Variants in CLTA observed in about 807,000 individuals in gnomAD.
CLTA encodes the protein clathrin, light polypeptide (Lca).
Under a neutral mutation model 26.9 loss-of-function variants are expected in CLTA, and 9 were observed. The ratio of observed to expected loss-of-function variants is 0.33; its 90% confidence interval spans 0.20 to 0.58. The LOEUF is 0.58. Ranked by LOEUF, CLTA falls within the 20% of genes least tolerant of loss-of-function variation. CLTA has a pLI of 0.85. For synonymous variants in CLTA, 120 were observed against 115.5 expected (o/e 1.04, Z -0.25); for missense variants, 278 against 294.2 (o/e 0.94, Z 0.40).
chr9:36,205,229 C>T (rs965870856), intron 4 of CLTA, among the ~76,000 whole-genome samples: 4 of 152,134 alleles, frequency 2.6e-5, no homozygotes, highest in African/African-American at 7.2e-5. Flanking sequence ...CCTCTGGGGG[C>T]GGTGTGCTCA....
intron 4 of CLTA, among the ~76,000 whole-genome samples, chr9:36,206,051 C>T (rs985787923): frequency 3.3e-5 from 5 of 151,968 alleles, no homozygotes; most frequent in African/African-American, 1.2e-4. Context: ...TGAGCCACCG[C>T]GCCTGGCCAT....
chr9:36,191,341 G>A lies in CLTA; in HGVS notation c.217+68G>A, dbSNP rs908182349. ...AACTCGGTCCACAGTGGGTCCGAGA[G>A]CTTCTGTGTGACTCGTGCTCCTTGC... is the stretch of plus-strand genomic sequence containing the variant. On this transcript the variant is annotated intron_variant, in intron 1 of 4. Coordinates refer to ENST00000345519, the MANE Select transcript of CLTA (RefSeq NM_001833.4). 5.6e-6 allele frequency: 8 copies of A among 1,417,548 alleles called. No individual in the cohort carries two copies. In the African/African-American group the frequency reaches 1.0e-4, roughly 18 times the overall value. The allele number at this position is 1,417,548 out of a possible 1,614,324, so 87.8% of individuals were successfully genotyped here. A position where few individuals can be genotyped will look rare whatever the true frequency, so the allele number is the denominator to read the frequency against.
intron 4 of CLTA, among the ~76,000 whole-genome samples, chr9:36,208,216 C>G (rs1827831784): frequency 6.6e-6 from 1 of 152,178 alleles, no homozygotes; most frequent in African/African-American, 2.4e-5. Flanking sequence ...GGTTCCATGT[C>G]CAGCCACAGT....
Position 36,199,006 on chromosome 9 carries a change from G to A in CLTA, c.283G>A (p.Ala95Thr), listed in dbSNP as rs1827240153. Reference protein sequence around the residue: ...QESNGPTDSYAAISQVDRLQS... With the variant: ...QESNGPTDSYTAISQVDRLQS... ...AAGTAATGGTCCAACAGACAGTTAT[G>A]CAGCTATTTCACAAGTGGATCGATT... Residue 95 changes from alanine (A) to threonine (T), a missense_variant, in exon 3 of 5, where the codon GCA (alanine) becomes ACA (threonine). Coordinates refer to ENST00000345519, the MANE Select transcript of CLTA (RefSeq NM_001833.4). The A allele has an allele frequency of 2.5e-6, 4 of 1,613,484 alleles. No individual in the cohort carries two copies. Among genetic ancestry groups the A allele is most frequent in the Non-Finnish European group, 3.4e-6 (4 of 1,179,494 alleles).
intron 3 of CLTA, among the ~76,000 whole-genome samples, chr9:36,202,832 T>C (rs1260522632): frequency 6.6e-6 from 1 of 151,646 alleles, no homozygotes; most frequent in Non-Finnish European, 1.5e-5. Context: ...TTTTTTTTTT[T>C]CTTTTTTGAG....
At chr9:36,197,633 T>A (rs376162331) in intron 2 of CLTA, 45 bp downstream of exon 2, 2 of 1,444,542 alleles carry the variant, frequency 1.4e-6, no homozygotes, top group Non-Finnish European at 1.9e-6. Flanking sequence ...ATTGAGAATC[T>A]TCCTTTCCTG....
chr9:36,204,130 T>C lies in CLTA; in HGVS notation c.436T>C (p.Trp146Arg). 1 of 1,614,096 alleles carries C rather than the reference T, an allele frequency of 6.2e-7. No individual in the cohort carries two copies. Among genetic ancestry groups the C allele is most frequent in the Non-Finnish European group, 8.5e-7 (1 of 1,180,008 alleles). Residue 146 changes from tryptophan (W) to arginine (R), a missense_variant, in exon 4 of 5, where the codon TGG (tryptophan) becomes CGG (arginine). Transcript: ENST00000345519. ...KEKAIKELEE[W>R]YARQDEQLQK... ...AAAGGCAATAAAGGAGCTAGAAGAATGGTATGCAAGACAGGACGAGCAGCT... is the reference window on the plus strand; with the variant it reads ...AAAGGCAATAAAGGAGCTAGAAGAACGGTATGCAAGACAGGACGAGCAGCT...
At chr9:36,192,102 C>G (rs1397264980) in intron 1 of CLTA, among the ~76,000 whole-genome samples, 1 of 152,102 alleles carries the variant, frequency 6.6e-6, no homozygotes, top group Non-Finnish European at 1.5e-5. Flanking sequence ...TGGAAAAGAC[C>G]TACTTAATAA....
chr9:36,204,393 T>G (rs748515039), intron 4 of CLTA, among the ~76,000 whole-genome samples: 5 of 152,248 alleles, frequency 3.3e-5, no homozygotes, highest in Non-Finnish European at 7.3e-5. Flanking sequence ...AGCTTAGCTC[T>G]CTGAGAGTTT....
rs544814204 is a variant in CLTA at position 36,199,082 on chromosome 9, G to A, written c.359G>A (p.Arg120His). The A allele has an allele frequency of 1.2e-5, 19 of 1,611,006 alleles. No individual in the cohort carries two copies. In the Admixed American group the frequency reaches 1.5e-4, roughly 13 times the overall value. ...IRKWREEQME[R>H]LEALDANSRK... ...AAATGGAGAGAAGAACAAATGGAAC[G>A]CTTGGAAGCCCTTGGTAAGGAATCC... The change falls in exon 3 of 5, where the codon CGC becomes CAC. Residue 120 changes from arginine (R) to histidine (H), a missense_variant. Coordinates refer to ENST00000345519, the MANE Select transcript of CLTA (RefSeq NM_001833.4).
In CLTA at chr9:36,211,856, G is replaced by A; in HGVS notation, c.*82G>A. On this transcript the variant is annotated 3_prime_UTR_variant, in exon 5 of 5. Transcript: ENST00000345519. ...TCTTCACAGTCATTGGATTAATTAT[G>A]TTGAGTTCTTTTGGACCAAACCTTT... 8.2e-7 allele frequency: 1 copy of A among 1,220,352 alleles called. No individual in the cohort carries two copies. The highest frequency in any genetic ancestry group is 1.2e-6 in the Non-Finnish European group (1 of 862,362). 75.6% of individuals were successfully genotyped at this position (1,220,352 alleles called of 1,614,324 possible).
In CLTA at chr9:36,193,869, A is replaced by T. The variant is rs115804968; in HGVS notation, c.217+2596A>T. Among the ~76,000 whole-genome samples the T allele has an allele frequency of 1.9e-3, 291 of 152,274 alleles. 2 individuals are homozygous for T. Among genetic ancestry groups the T allele is most frequent in the Middle Eastern group, 6.8e-3 (2 of 294 alleles). Reference sequence around the variant, plus strand: ...GAAGAAACCAGCTGGGTGAAGTGATATTGAGGTAACCAGCTGTGGGGGATA... The same window carrying T: ...GAAGAAACCAGCTGGGTGAAGTGATTTTGAGGTAACCAGCTGTGGGGGATA... On this transcript the variant is annotated intron_variant, in intron 1 of 4. Transcript: ENST00000345519.
rs372897447 is a variant in CLTA at position 36,202,885 on chromosome 9, G to C, written c.374-1183G>C. Among the ~76,000 whole-genome samples the C allele has an allele frequency of 2.4e-4, 36 of 150,854 alleles. 1 individual carries two copies. The highest frequency in any genetic ancestry group is 8.3e-4 in the African/African-American group (34 of 40,980). ...TGCCTAGGCTGGAGTGCAGTGGTGC[G>C]ATCTCAGCTCACTGCAACCTCTGCC... On this transcript the variant is annotated intron_variant, in intron 3 of 4. Coordinates refer to ENST00000345519, the MANE Select transcript of CLTA (RefSeq NM_001833.4).
chr9:36,200,014 A>C (rs1827308781), intron 3 of CLTA, among the ~76,000 whole-genome samples: 1 of 152,170 alleles, frequency 6.6e-6, no homozygotes, highest in Non-Finnish European at 1.5e-5. Context: ...ATTGCTTTCT[A>C]AACATTTAAT....
At chr9:36,191,410 C>T in intron 1 of CLTA, 137 bp downstream of exon 1, 4 of 1,059,722 alleles carry the variant, frequency 3.8e-6, no homozygotes, top group Non-Finnish European at 5.1e-6. Flanking sequence ...AAACGAGACC[C>T]TGGCCCGGTC....
In CLTA at chr9:36,197,604, AT is replaced by A. The variant is rs1344265359; in HGVS notation, c.255+18del. ...ATACTACCAGGTACAGAGTACTCTGATTCTGTTCATTGATAGTGATTGAGAA... is the reference window on the plus strand; with the variant it reads ...ATACTACCAGGTACAGAGTACTCTGATCTGTTCATTGATAGTGATTGAGAA... On this transcript the variant is annotated intron_variant, in intron 2 of 4. Transcript: ENST00000345519. 5 of 1,572,870 alleles carry A rather than the reference AT, an allele frequency of 3.2e-6. No individual in the cohort carries two copies. Among genetic ancestry groups the A allele is most frequent in the Non-Finnish European group, 4.4e-6 (5 of 1,145,814 alleles).
chr9:36,205,576 C>T (rs1005522077), intron 4 of CLTA, among the ~76,000 whole-genome samples: 3 of 152,194 alleles, frequency 2.0e-5, no homozygotes, highest in African/African-American at 4.8e-5. Flanking sequence ...CGACCCTCCC[C>T]GCTCTGGGTC....
intron 3 of CLTA, among the ~76,000 whole-genome samples, chr9:36,200,126 T>C (rs888483810): frequency 6.6e-6 from 1 of 152,230 alleles, no homozygotes; most frequent in Non-Finnish European, 1.5e-5. Context: ...TGTCTGTACA[T>C]GGTGGATTGG....
intron 4 of CLTA, among the ~76,000 whole-genome samples, chr9:36,211,335 C>T (rs375378479): frequency 6.6e-6 from 1 of 152,178 alleles, no homozygotes; most frequent in Admixed American, 6.5e-5. Flanking sequence ...TAATGCTCCA[C>T]AGGAGCAGAG....
Sources: allele counts gnomAD v4.1 joint callset (sites outside exome capture counted in the v4.1 genomes callset), GRCh38; gene constraint gnomAD v4.1.1; transcripts MANE v1.5; gene names NCBI Gene and HGNC (gene_info 2026-07-23, HGNC 2026-07-21).